Variants in TMEM132D observed in about 807,000 individuals in gnomAD.
TMEM132D encodes mature OL transmembrane protein.
Under a neutral mutation model 62.3 loss-of-function variants are expected in TMEM132D, and 21 were observed. The observed-to-expected ratio is 0.34, with a 90% CI of 0.24 to 0.49. TMEM132D has a LOEUF of 0.49. TMEM132D is among the 20% of genes least tolerant of loss of function. The pLI, the probability that TMEM132D is intolerant of heterozygous loss-of-function variation, is 0.99. For missense variants in TMEM132D, 1,346 were observed against 1,402.8 expected (o/e 0.96, Z 0.65); for synonymous variants, 621 against 575.6 (o/e 1.08, Z -1.13).
intron 4 of TMEM132D, among the ~76,000 whole-genome samples, chr12:129,326,609 C>A (rs564493316): frequency 1.3e-5 from 2 of 152,202 alleles, no homozygotes; most frequent in African/African-American, 2.4e-5. Context: ...AGGGTGGAAT[C>A]GTTGCACAGA....
intron 2 of TMEM132D, among the ~76,000 whole-genome samples, chr12:129,673,959 G>A (rs1250614898): frequency 1.3e-5 from 2 of 152,108 alleles, no homozygotes; most frequent in Non-Finnish European, 2.9e-5. Context: ...TTCTAGGCAC[G>A]AGTACGGTCA....
chr12:129,551,351 C>A (rs995124771), intron 2 of TMEM132D, among the ~76,000 whole-genome samples: 2 of 152,222 alleles, frequency 1.3e-5, no homozygotes, highest in East Asian at 3.9e-4. Context: ...AAAATCATTG[C>A]CTGCCTGCCC....
intron 4 of TMEM132D, among the ~76,000 whole-genome samples, chr12:129,289,465 A>G (rs1881386997): frequency 6.6e-6 from 1 of 150,796 alleles, no homozygotes; most frequent in South Asian, 2.1e-4. Flanking sequence ...AATCACTTGA[A>G]CCTGGGAGGT....
At chr12:129,241,266 T>C (rs1879931174) in intron 4 of TMEM132D, among the ~76,000 whole-genome samples, 2 of 151,976 alleles carry the variant, frequency 1.3e-5, no homozygotes, top group Non-Finnish European at 1.5e-5. Context: ...CTATCCATCT[T>C]ACAAGGGATT....
chr12:129,473,333 T>TTTG (rs1300498796), intron 3 of TMEM132D, among the ~76,000 whole-genome samples: 9 of 135,502 alleles, frequency 6.6e-5, no homozygotes, highest in Non-Finnish European at 1.1e-4. Flanking sequence ...TGTTTTTTTT[T>TTTG]TTTTTTTTTT....
At chr12:129,538,657 T>C (rs1337648604) in intron 2 of TMEM132D, among the ~76,000 whole-genome samples, 1 of 152,222 alleles carries the variant, frequency 6.6e-6, no homozygotes, top group Non-Finnish European at 1.5e-5. Flanking sequence ...TATGAAAATA[T>C]ACTGCAATAC....
chr12:129,494,656 A>G (rs946717499), intron 3 of TMEM132D, among the ~76,000 whole-genome samples: 1 of 152,094 alleles, frequency 6.6e-6, no homozygotes, highest in African/African-American at 2.4e-5. Flanking sequence ...ATACTACTCT[A>G]TAGTAATTAC....
chr12:129,652,673 C>T (rs753924834), intron 2 of TMEM132D, among the ~76,000 whole-genome samples: 1 of 152,184 alleles, frequency 6.6e-6, no homozygotes, highest in African/African-American at 2.4e-5. Context: ...TCCCTAGAGA[C>T]TCCAGAAAAA....
At chr12:129,544,268 G>A (rs985598538) in intron 2 of TMEM132D, among the ~76,000 whole-genome samples, 1 of 152,048 alleles carries the variant, frequency 6.6e-6, no homozygotes, top group African/African-American at 2.4e-5. Context: ...TTTCCCTGTT[G>A]CTTTCTTAGT....
At chr12:129,193,458 G>A (rs1878466354) in intron 5 of TMEM132D, among the ~76,000 whole-genome samples, 1 of 152,162 alleles carries the variant, frequency 6.6e-6, no homozygotes, top group Non-Finnish European at 1.5e-5. Flanking sequence ...TGCAATTTGG[G>A]CTGCTGCCAC....
chr12:129,722,459 A>G, intron 1 of TMEM132D, among the ~76,000 whole-genome samples: 1 of 152,206 alleles, frequency 6.6e-6, no homozygotes, highest in African/African-American at 2.4e-5. Flanking sequence ...AGATGGGAGA[A>G]GGCGAAGAAC....
chr12:129,609,793 CCT>C (rs1878721877), intron 2 of TMEM132D, among the ~76,000 whole-genome samples: 1 of 152,202 alleles, frequency 6.6e-6, no homozygotes. Context: ...AAACCACACC[CCT>C]GTTACCACGT....
chr12:129,349,853 G>T (rs987891681), intron 3 of TMEM132D, among the ~76,000 whole-genome samples: 1 of 152,152 alleles, frequency 6.6e-6, no homozygotes, highest in African/African-American at 2.4e-5. Flanking sequence ...AAGGGCTTAC[G>T]GAGCAATAAT....
intron 2 of TMEM132D, among the ~76,000 whole-genome samples, chr12:129,544,279 C>T (rs1414024741): frequency 2.0e-5 from 3 of 152,080 alleles, no homozygotes; most frequent in African/African-American, 7.2e-5. Flanking sequence ...CTTTCTTAGT[C>T]TTGTTTTTAT....
chr12:129,198,454 C>T (rs1326937649), intron 5 of TMEM132D, among the ~76,000 whole-genome samples: 1 of 152,046 alleles, frequency 6.6e-6, no homozygotes, highest in Non-Finnish European at 1.5e-5. Flanking sequence ...AAATGCATTA[C>T]ATATAAACAA....
chr12:129,723,142 C>T (rs1252252873), intron 1 of TMEM132D, among the ~76,000 whole-genome samples: 1 of 152,158 alleles, frequency 6.6e-6, no homozygotes, highest in African/African-American at 2.4e-5. Context: ...AATAAAAATC[C>T]CTTTTCAATT....
At chr12:129,341,107 A>G (rs950420783) in intron 3 of TMEM132D, among the ~76,000 whole-genome samples, 1 of 152,184 alleles carries the variant, frequency 6.6e-6, no homozygotes, top group Non-Finnish European at 1.5e-5. Flanking sequence ...TTAGCACTTA[A>G]CAGCTTTCCA....
At chr12:129,657,340 G>C (rs747458559) in intron 2 of TMEM132D, among the ~76,000 whole-genome samples, 3 of 152,114 alleles carry the variant, frequency 2.0e-5, no homozygotes, top group African/African-American at 7.2e-5. Flanking sequence ...GGATAGGATG[G>C]GGCTGATCTC....
intron 4 of TMEM132D, among the ~76,000 whole-genome samples, chr12:129,326,795 C>T (rs1868927779): frequency 6.6e-6 from 1 of 152,144 alleles, no homozygotes; most frequent in African/African-American, 2.4e-5. Flanking sequence ...CCATAATTAA[C>T]ATAATCTACC....
Sources: gnomAD v4.1 joint callset for allele counts (sites outside exome capture counted in the v4.1 genomes callset) on GRCh38, gnomAD v4.1.1 for gene constraint, MANE v1.5 for transcripts, NCBI Gene and HGNC (gene_info 2026-07-23, HGNC 2026-07-21) for gene names.